Variants in MYO16 observed in about 807,000 individuals in gnomAD.
The protein encoded by MYO16 is unconventional myosin-XVI.
MYO16 carries 94 observed loss-of-function variants against 205.3 expected under a neutral mutation model. That is an observed-to-expected ratio of 0.46 (90% CI 0.39 to 0.54). The LOEUF (loss-of-function observed/expected upper bound fraction) is 0.54, where lower values mean the gene tolerates loss of function less well. MYO16 is among the 20% of genes least tolerant of loss of function. The probability of loss-of-function intolerance (pLI) is 0.00; values close to 1 mark genes in which losing one functional copy is unlikely to be tolerated. For missense variants in MYO16, 2,315 were observed against 2,387.5 expected (o/e 0.97, Z 0.63); for synonymous variants, 988 against 954.0 (o/e 1.04, Z -0.66).
chr13:108,988,077 A>G (rs558506385), intron 20 of MYO16, among the ~76,000 whole-genome samples: 2 of 152,344 alleles, frequency 1.3e-5, no homozygotes, highest in South Asian at 2.1e-4. Context: ...GAACTGAAAC[A>G]GATCATCTAA....
the MYO16 span, among the ~76,000 whole-genome samples, chr13:108,506,045 A>G: frequency 1.5e-3 from 225 of 152,200 alleles, 2 homozygotes; most frequent in African/African-American, 5.3e-3. Flanking sequence ...CCAGTGCCAT[A>G]CTGTCTTGAC....
chr13:108,598,366 T>C (rs532184434), intron 1 of MYO16, among the ~76,000 whole-genome samples: 1 of 152,280 alleles, frequency 6.6e-6, no homozygotes, highest in South Asian at 2.1e-4. Context: ...TCACCTCTAA[T>C]ACAGAAATAA....
chr13:108,664,976 C>T (rs1447716574), intron 1 of MYO16, among the ~76,000 whole-genome samples: 1 of 152,138 alleles, frequency 6.6e-6, no homozygotes, highest in Non-Finnish European at 1.5e-5. Context: ...TGTGCCAACC[C>T]TCAGTCTTTA....
chr13:108,818,417 AAAG>A (rs1875760282), intron 7 of MYO16, among the ~76,000 whole-genome samples: 1 of 148,080 alleles, frequency 6.8e-6, no homozygotes, highest in African/African-American at 2.6e-5. Flanking sequence ...TAAAAATAAA[AAAG>A]AGAGAGATTA....
At chr13:109,023,714 A>AATATATGTATATATGC (rs1886241768) in intron 23 of MYO16, among the ~76,000 whole-genome samples, 1 of 56,474 alleles carries the variant, frequency 1.8e-5, no homozygotes, top group Admixed American at 2.1e-4. Context: ...TATATATACA[A>AATATATGTATATATGC]ATATATGTAT....
intron 10 of MYO16, among the ~76,000 whole-genome samples, chr13:108,854,620 CAT>C (rs1312212807): frequency 2.0e-5 from 3 of 151,850 alleles, no homozygotes; most frequent in Non-Finnish European, 4.4e-5. Context: ...AAAGAACTCA[CAT>C]TGATAAGAAT....
the MYO16 span, among the ~76,000 whole-genome samples, chr13:108,561,063 A>G: frequency 3.3e-5 from 5 of 152,234 alleles, no homozygotes; most frequent in South Asian, 8.3e-4. Context: ...CTCATGATGC[A>G]TATACAAGGC....
At chr13:108,943,807 A>T (rs1381613698) in intron 16 of MYO16, among the ~76,000 whole-genome samples, 1 of 151,776 alleles carries the variant, frequency 6.6e-6, no homozygotes, top group Non-Finnish European at 1.5e-5. Flanking sequence ...GAATGGTCTC[A>T]ATCTCCTGAC....
At chr13:109,013,316 A>G (rs1477848315) in intron 22 of MYO16, among the ~76,000 whole-genome samples, 1 of 152,056 alleles carries the variant, frequency 6.6e-6, no homozygotes, top group African/African-American at 2.4e-5. Flanking sequence ...TTATGGCTGC[A>G]TAGTATTCCA....
the MYO16 span, among the ~76,000 whole-genome samples, chr13:108,497,145 G>A: frequency 1.3e-5 from 2 of 152,212 alleles, no homozygotes; most frequent in African/African-American, 4.8e-5. Flanking sequence ...AGTCGTCAAT[G>A]AGATCCTGAG....
the MYO16 span, among the ~76,000 whole-genome samples, chr13:108,574,828 T>C: frequency 6.6e-6 from 1 of 152,054 alleles, no homozygotes; most frequent in African/African-American, 2.4e-5. Flanking sequence ...AGGGTCAAAG[T>C]TTGGTTAGGA....
chr13:108,526,358 G>T, the MYO16 span, among the ~76,000 whole-genome samples: 1 of 152,090 alleles, frequency 6.6e-6, no homozygotes, highest in African/African-American at 2.4e-5. Context: ...TGCCTTAAGA[G>T]AAGAAAACTT....
At chr13:108,794,897 G>A (rs1439615037) in intron 6 of MYO16, among the ~76,000 whole-genome samples, 1 of 152,138 alleles carries the variant, frequency 6.6e-6, no homozygotes, top group African/African-American at 2.4e-5. Flanking sequence ...GTTGAAGACA[G>A]TTGATAAGGA....
intron 29 of MYO16, among the ~76,000 whole-genome samples, chr13:109,123,035 C>T (rs1297830773): frequency 2.0e-5 from 3 of 152,092 alleles, no homozygotes; most frequent in Admixed American, 2.0e-4. Context: ...TTTTCTCTGA[C>T]TCTATATGCT....
intron 20 of MYO16, among the ~76,000 whole-genome samples, chr13:108,985,126 A>G (rs1234278933): frequency 6.6e-6 from 1 of 152,244 alleles, no homozygotes; most frequent in Non-Finnish European, 1.5e-5. Flanking sequence ...ATGTAGATAT[A>G]ACCACTCTGT....
intron 16 of MYO16, among the ~76,000 whole-genome samples, chr13:108,932,331 C>T (rs974966078): frequency 8.5e-5 from 13 of 152,076 alleles, no homozygotes; most frequent in Admixed American, 1.3e-4. Context: ...TTCTGCCTGC[C>T]GATGGTTGCT....
chr13:109,052,867 T>G (rs979991029), intron 25 of MYO16, among the ~76,000 whole-genome samples: 1 of 152,130 alleles, frequency 6.6e-6, no homozygotes, highest in African/African-American at 2.4e-5. Flanking sequence ...AATGATAAAT[T>G]GTTGTTTCTC....
At chr13:108,499,520 C>A in the MYO16 span, among the ~76,000 whole-genome samples, 6 of 152,184 alleles carry the variant, frequency 3.9e-5, no homozygotes, top group African/African-American at 1.4e-4. Flanking sequence ...CACCCCCAAC[C>A]CCCCATCTAG....
chr13:108,664,999 G>A (rs910607379), intron 1 of MYO16, among the ~76,000 whole-genome samples: 3 of 152,020 alleles, frequency 2.0e-5, no homozygotes, highest in Non-Finnish European at 4.4e-5. Flanking sequence ...CTTAACCACA[G>A]GTTTCTTGGA....
Sources: gnomAD v4.1 joint callset for allele counts (sites outside exome capture counted in the v4.1 genomes callset) on GRCh38, gnomAD v4.1.1 for gene constraint, MANE v1.5 for transcripts, NCBI Gene and HGNC (gene_info 2026-07-23, HGNC 2026-07-21) for gene names.